Variants in TUSC3 observed in about 807,000 individuals in gnomAD.
The protein encoded by TUSC3 is dolichyl-diphosphooligosaccharide--protein glycosyltransferase subunit TUSC3.
Under a neutral mutation model 44.8 loss-of-function variants are expected in TUSC3, and 45 were observed. That is an observed-to-expected ratio of 1.00 (90% CI 0.79 to 1.29). The LOEUF is 1.29. TUSC3 is among the 50% of genes most tolerant of loss of function. TUSC3 has a pLI of 0.00. For missense variants in TUSC3, 519 were observed against 437.9 expected, an observed-to-expected ratio of 1.19 and a Z score of -1.65; for synonymous variants, 212 against 152.9, an observed-to-expected ratio of 1.39 and a Z score of -2.85.
intron 6 of TUSC3, among the ~76,000 whole-genome samples, chr8:15,718,105 C>G (rs1026854137): frequency 6.6e-6 from 1 of 152,020 alleles, no homozygotes; most frequent in Non-Finnish European, 1.5e-5. Context: ...TACCTCTAAA[C>G]AATTTTAAGT....
chr8:15,459,220 A>C (rs927189441), intron 1 of TUSC3, among the ~76,000 whole-genome samples: 2 of 152,128 alleles, frequency 1.3e-5, no homozygotes, highest in Non-Finnish European at 2.9e-5. Flanking sequence ...CAAATTTTTC[A>C]CTGAATTAAT....
At chr8:15,613,644 T>A (rs1383391426) in intron 1 of TUSC3, among the ~76,000 whole-genome samples, 1 of 152,182 alleles carries the variant, frequency 6.6e-6, no homozygotes, top group Non-Finnish European at 1.5e-5. Context: ...TGAACCTCTT[T>A]CCTTTATAAA....
intron 1 of TUSC3, among the ~76,000 whole-genome samples, chr8:15,421,675 T>A (rs1027986594): frequency 9.2e-5 from 14 of 151,966 alleles, no homozygotes; most frequent in East Asian, 5.8e-4. Context: ...TGGGAAAAAA[T>A]ATATAACAGA....
At chr8:15,461,306 A>AAATGGTTAAGTTCTTGACTTGATT (rs1362132891) in intron 1 of TUSC3, among the ~76,000 whole-genome samples, 2 of 152,010 alleles carry the variant, frequency 1.3e-5, no homozygotes, top group East Asian at 3.9e-4. Context: ...GCTATTGTAA[A>AAATGGTTAAGTTCTTGACTTGATT]AATGGTTAAG....
the TUSC3 span, among the ~76,000 whole-genome samples, chr8:15,834,937 G>C: frequency 3.3e-5 from 5 of 152,148 alleles, no homozygotes. Context: ...CCCAGGACTG[G>C]TTGTGGGACT....
chr8:15,640,581 AGCCTCCCCT>A (rs1220438654), intron 2 of TUSC3, among the ~76,000 whole-genome samples: 2 of 152,216 alleles, frequency 1.3e-5, no homozygotes, highest in African/African-American at 4.8e-5. Context: ...CTGTAGAATA[AGCCTCCCCT>A]GCCCCTAAAG....
In TUSC3 at chr8:15,546,306, C is replaced by T. The variant is rs770606221; in HGVS notation, c.138+5738C>T. Reference sequence around the variant, plus strand: ...TTTATGGAAAACAAATTTTAACATTCTGGCACATCAGTTTTTATCTAATCA... The same window carrying T: ...TTTATGGAAAACAAATTTTAACATTTTGGCACATCAGTTTTTATCTAATCA... On this transcript the variant is annotated intron_variant, in intron 1 of 10. Transcript: ENST00000503731. Among the ~76,000 whole-genome samples the T allele has an allele frequency of 1.3e-4, 20 of 151,780 alleles. 1 individual carries two copies. The highest frequency in any genetic ancestry group is 2.1e-4 in the Non-Finnish European group (14 of 67,914).
chr8:15,633,687 C>T (rs945749469), intron 2 of TUSC3, among the ~76,000 whole-genome samples: 6 of 152,074 alleles, frequency 3.9e-5, no homozygotes, highest in African/African-American at 9.7e-5. Flanking sequence ...AGCTGGAAGC[C>T]AGGGAATGTC....
chr8:15,543,694 A>C (rs571627698), intron 1 of TUSC3, among the ~76,000 whole-genome samples: 1 of 151,692 alleles, frequency 6.6e-6, no homozygotes, highest in East Asian at 1.9e-4. Flanking sequence ...AAATGAAAGC[A>C]TTAGTGTAAT....
the TUSC3 span, among the ~76,000 whole-genome samples, chr8:15,826,794 T>G: frequency 6.6e-6 from 1 of 152,218 alleles, no homozygotes; most frequent in African/African-American, 2.4e-5. Flanking sequence ...ATCCTCTGAC[T>G]GAAATTTGTT....
the TUSC3 span, among the ~76,000 whole-genome samples, chr8:15,784,590 T>G: frequency 6.6e-6 from 1 of 151,834 alleles, no homozygotes; most frequent in Non-Finnish European, 1.5e-5. Flanking sequence ...CTTTAAAAAG[T>G]AGGAAATTCT....
chr8:15,851,092 G>A, the TUSC3 span, among the ~76,000 whole-genome samples: 61 of 152,286 alleles, frequency 4.0e-4, no homozygotes, highest in Non-Finnish European at 7.6e-4. Flanking sequence ...CTTTTCGGAA[G>A]GTAACACCTT....
intron 1 of TUSC3, among the ~76,000 whole-genome samples, chr8:15,588,158 G>C (rs911971852): frequency 1.3e-5 from 2 of 151,844 alleles, no homozygotes; most frequent in South Asian, 2.1e-4. Flanking sequence ...CCATAATGGG[G>C]GTAATAATTT....
intron 2 of TUSC3, among the ~76,000 whole-genome samples, chr8:15,627,992 C>T (rs1185872029): frequency 6.6e-6 from 1 of 152,132 alleles, no homozygotes; most frequent in Non-Finnish European, 1.5e-5. Context: ...GAAGCGACAC[C>T]CCAAGGATCC....
chr8:15,737,599 C>G (rs1295128212), intron 7 of TUSC3, among the ~76,000 whole-genome samples: 1 of 151,974 alleles, frequency 6.6e-6, no homozygotes, highest in Non-Finnish European at 1.5e-5. Flanking sequence ...AAAAACTAGG[C>G]CAAAGTATGT....
intron 1 of TUSC3, among the ~76,000 whole-genome samples, chr8:15,601,377 G>A (rs1175537657): frequency 2.0e-5 from 3 of 151,666 alleles, no homozygotes; most frequent in African/African-American, 7.3e-5. Flanking sequence ...AAAGCAACGG[G>A]TTTATAGTTT....
At chr8:15,488,511 C>T (rs1800764364) in intron 2 of TUSC3, among the ~76,000 whole-genome samples, 1 of 151,854 alleles carries the variant, frequency 6.6e-6, no homozygotes, top group South Asian at 2.1e-4. Context: ...CAAAAATAAA[C>T]TGTTTTTTTG....
intron 9 of TUSC3, among the ~76,000 whole-genome samples, chr8:15,754,109 C>T (rs1811821111): frequency 6.6e-6 from 1 of 151,858 alleles, no homozygotes; most frequent in Non-Finnish European, 1.5e-5. Context: ...CTACTCACAT[C>T]AGATAAAGGC....
At chr8:15,703,654 T>C (rs898622444) in intron 6 of TUSC3, among the ~76,000 whole-genome samples, 6 of 152,100 alleles carry the variant, frequency 3.9e-5, no homozygotes, top group African/African-American at 1.4e-4. Context: ...GCCAAAGTTA[T>C]GGGGAGCCAG....
Sources: allele counts gnomAD v4.1 joint callset (sites outside exome capture counted in the v4.1 genomes callset), GRCh38; gene constraint gnomAD v4.1.1; transcripts MANE v1.5; gene names NCBI Gene and HGNC (gene_info 2026-07-23, HGNC 2026-07-21).